Variants in IFNAR2 observed in about 807,000 individuals in gnomAD.
IFNAR2 encodes the protein interferon alpha and beta receptor subunit 2, also known as interferon alpha/beta receptor 2.
In IFNAR2, 30 loss-of-function variants were observed where a neutral mutation model predicts 49.4. The ratio of observed to expected loss-of-function variants is 0.61; its 90% CI spans 0.45 to 0.82. The LOEUF is 0.82. Among genes scored for constraint, IFNAR2 ranks in the 40% least tolerant of loss-of-function variants. The pLI is 0.00. For synonymous variants in IFNAR2, 224 were observed against 234.5 expected, an observed-to-expected ratio of 0.96 and a Z score of 0.41; for missense variants, 600 against 622.7, an observed-to-expected ratio of 0.96 and a Z score of 0.39.
chr21:33,257,284 G>A (rs557527023), intron 7 of IFNAR2, among the ~76,000 whole-genome samples: 14 of 152,310 alleles, frequency 9.2e-5, no homozygotes, highest in African/African-American at 2.6e-4. Flanking sequence ...GAATGGAGCC[G>A]CAGACCTTCC....
Position 33,230,349 on chromosome 21 carries a change from C to T in IFNAR2, c.-84+133C>T. On this transcript the variant is annotated intron_variant, in intron 1 of 8. Coordinates refer to ENST00000342136, the MANE Select transcript of IFNAR2 (RefSeq NM_001289125.3). This position sits in a 1 kb window ranked among gnomAD's most constrained non-coding sequence, Gnocchi z 5.5. ...GCTCTCCCCGACTCCTCCTCCTCCT[C>T]CTGCCCTCCCTCTGCGTCTTGAGTA... 1.4e-6 allele frequency: 1 copy of T among 721,916 alleles called. No homozygotes were observed. Among genetic ancestry groups the T allele is most frequent in the East Asian group, 9.4e-5 (1 of 10,596 alleles). 44.7% of individuals were successfully genotyped at this position (721,916 alleles called of 1,614,324 possible).
At chr21:33,247,288 G>T (rs1194680509) in intron 5 of IFNAR2, among the ~76,000 whole-genome samples, 1 of 127,298 alleles carries the variant, frequency 7.9e-6, no homozygotes, top group East Asian at 2.2e-4. Flanking sequence ...GTTTCACTCT[G>T]TCACCTAGGC....
chr21:33,243,237 C>G (rs1987128096), intron 2 of IFNAR2, among the ~76,000 whole-genome samples: 1 of 152,090 alleles, frequency 6.6e-6, no homozygotes, highest in South Asian at 2.1e-4. Context: ...TGTGCACCAC[C>G]ACACCCAGCT....
At chr21:33,251,557 G>A (rs746037471) in intron 6 of IFNAR2, 4 of 985,176 alleles carry the variant, frequency 4.1e-6, no homozygotes, top group Middle Eastern at 5.2e-4. Flanking sequence ...TTGTTGGGTC[G>A]TAAGTTTGTT....
intron 7 of IFNAR2, 163 bp from the exon 8 acceptor site, chr21:33,260,434 C>A: frequency 5.0e-6 from 1 of 200,210 alleles, no homozygotes; most frequent in South Asian, 1.7e-4. Flanking sequence ...AAAATGCACA[C>A]TTAGATAATT....
chr21:33,244,677 A>G (rs1254338935), intron 3 of IFNAR2, among the ~76,000 whole-genome samples: 12 of 152,222 alleles, frequency 7.9e-5, no homozygotes, highest in African/African-American at 9.6e-5. Flanking sequence ...GGACAGTCCA[A>G]GGGCATCGGA....
chr21:33,230,928 G>C lies in IFNAR2; in HGVS notation c.-84+712G>C, dbSNP rs1201999206. 6.6e-6 allele frequency among the ~76,000 whole-genome samples: 1 copy of C among 152,214 alleles called. No homozygotes were observed. The highest frequency in any genetic ancestry group is 1.5e-5 in the Non-Finnish European group (1 of 68,042). On this transcript the variant is annotated intron_variant, in intron 1 of 8. Coordinates refer to ENST00000342136, the MANE Select transcript of IFNAR2 (RefSeq NM_001289125.3). The surrounding 1 kb of genome is among the most constrained non-coding windows in gnomAD (Gnocchi z 5.5). ...ATCAATCCGTTACACGCAGTAGCGA[G>C]TTGACTCCATCAGCCCGTTTATTTG...
Position 33,230,306 on chromosome 21 carries a change from C to A in IFNAR2, c.-84+90C>A. On this transcript the variant is annotated intron_variant, in intron 1 of 8. Coordinates refer to ENST00000342136, the MANE Select transcript of IFNAR2 (RefSeq NM_001289125.3). The surrounding 1 kb of genome is among the most constrained non-coding windows in gnomAD (Gnocchi z 5.5). Reference sequence around the variant, plus strand: ...GCCTCCCTGCAGCGGTTCCCGGAATCCCCTCCGGTTCCCTCTCGCTCTCCC... The same window carrying A: ...GCCTCCCTGCAGCGGTTCCCGGAATACCCTCCGGTTCCCTCTCGCTCTCCC... The A allele has an allele frequency of 9.6e-7, 1 of 1,043,330 alleles. No individual in the cohort carries two copies. The highest frequency in any genetic ancestry group is 1.2e-6 in the Non-Finnish European group (1 of 832,518). The allele number at this position is 1,043,330 out of a possible 1,614,324, so 64.6% of individuals were successfully genotyped here.
intron 5 of IFNAR2, among the ~76,000 whole-genome samples, chr21:33,247,735 CA>C (rs1487590419): frequency 1.3e-5 from 2 of 152,228 alleles, no homozygotes; most frequent in Non-Finnish European, 2.9e-5. Context: ...ACTGTGTTAA[CA>C]GCCCCAGCTG....
Position 33,246,790 on chromosome 21 carries a change from G to C in IFNAR2, c.294G>C (p.Glu98Asp). The C allele has an allele frequency of 1.2e-6, 2 of 1,613,892 alleles. No individual in the cohort carries two copies. Among genetic ancestry groups the C allele is most frequent in the Non-Finnish European group, 1.7e-6 (2 of 1,179,728 alleles). Residue 98 changes from glutamate (E) to aspartate (D), a missense_variant, in exon 5 of 9, where the codon GAG becomes GAC. Transcript: ENST00000342136. ...TTRSFCDLTD[E>D]WRSTHEAYVT... ...GATCATTTTGTGACCTCACAGATGA[G>C]TGGAGAAGCACACACGAGGCCTATG... is the stretch of plus-strand genomic sequence containing the variant.
Position 33,263,658 on chromosome 21 carries a change from T to G in IFNAR2, c.*158T>G, listed in dbSNP as rs1306403047. The stretch of plus-strand genomic sequence containing the variant: ...TCCAGGTGACATCACCTATGCACAT[T>G]CCCAGTATGGGGACCATAGTATCAT... On this transcript the variant is annotated 3_prime_UTR_variant, in exon 9 of 9. Transcript: ENST00000342136. 9.4e-6 allele frequency: 6 copies of G among 641,316 alleles called. No homozygotes were observed. Among genetic ancestry groups the G allele is most frequent in the African/African-American group, 1.8e-5 (1 of 54,618 alleles). The allele number at this position is 641,316 out of a possible 1,614,324, so 39.7% of individuals were successfully genotyped here. A position where few individuals can be genotyped will look rare whatever the true frequency, so the allele number is the denominator to read the frequency against.
intron 5 of IFNAR2, among the ~76,000 whole-genome samples, chr21:33,248,386 G>A (rs1287733974): frequency 9.4e-6 from 1 of 106,000 alleles, no homozygotes; most frequent in Non-Finnish European, 1.8e-5. Context: ...AGGGGGGAGG[G>A]AGGGAGGGGG....
At chr21:33,246,923 C>G in intron 5 of IFNAR2, 33 bp downstream of exon 5, 1 of 1,560,708 alleles carries the variant, frequency 6.4e-7, no homozygotes, top group South Asian at 1.1e-5. Flanking sequence ...CACTTCGTCC[C>G]CATCATCAAG....
chr21:33,262,104 C>A (rs1407112599), intron 8 of IFNAR2, among the ~76,000 whole-genome samples: 2 of 152,114 alleles, frequency 1.3e-5, no homozygotes, highest in South Asian at 4.1e-4. Flanking sequence ...GCGGTGGCCA[C>A]GCCTATAAAC....
In IFNAR2 at chr21:33,242,753, G is replaced by A. The variant is rs1353274063; in HGVS notation, c.55+776G>A. Reference sequence around the variant, plus strand: ...CAAAAAAAAAAAAAAAAAAAATCTCGTGTGCGTGTGTGTGTGTGTGTGTGT... The same window carrying A: ...CAAAAAAAAAAAAAAAAAAAATCTCATGTGCGTGTGTGTGTGTGTGTGTGT... On this transcript the variant is annotated intron_variant, in intron 2 of 8. Transcript: ENST00000342136. Among the ~76,000 whole-genome samples the A allele has an allele frequency of 1.6e-3, 10 of 6,108 alleles. 3 individuals carry two copies. In the African/African-American group the frequency reaches 0.023, roughly 14 times the overall value. 4.0% of individuals were successfully genotyped at this position (6,108 alleles called of 152,430 possible).
intron 1 of IFNAR2, among the ~76,000 whole-genome samples, chr21:33,231,983 A>T (rs544659653): frequency 6.6e-6 from 1 of 152,166 alleles, no homozygotes; most frequent in Non-Finnish European, 1.5e-5. Flanking sequence ...CAAATGATCC[A>T]CCTGCTTTGG....
chr21:33,242,645 A>G (rs916192837), intron 2 of IFNAR2, among the ~76,000 whole-genome samples: 1 of 141,128 alleles, frequency 7.1e-6, no homozygotes, highest in Non-Finnish European at 1.5e-5. Context: ...AGGCAGGAGA[A>G]TGGCATGAAC....
intron 1 of IFNAR2, chr21:33,234,709 T>C: frequency 1.0e-6 from 1 of 983,924 alleles, no homozygotes; most frequent in Non-Finnish European, 1.2e-6. Flanking sequence ...AGAGCTCTTC[T>C]TTCAGAATGG....
chr21:33,261,034 C>CCTTTT (rs1988537462), intron 8 of IFNAR2, among the ~76,000 whole-genome samples: 1 of 89,618 alleles, frequency 1.1e-5, no homozygotes, highest in East Asian at 4.6e-4. Flanking sequence ...TGTTTTCTTT[C>CCTTTT]CTTTTTTTTT....
Sources: gnomAD v4.1 joint callset for allele counts (sites outside exome capture counted in the v4.1 genomes callset) on GRCh38, gnomAD v4.1.1 for gene constraint, Gnocchi (gnomAD v3.1) non-coding constraint, MANE v1.5 for transcripts, NCBI Gene and HGNC (gene_info 2026-07-23, HGNC 2026-07-21) for gene names.